The following RIN2 variants were observed in gnomAD, a reference collection of about 807,000 sequenced individuals.
The protein encoded by RIN2 is Ras and Rab interactor 2.
RIN2 carries 36 observed loss-of-function variants against 78.0 expected under a neutral mutation model. That is an observed-to-expected ratio of 0.46 (90% confidence interval 0.35 to 0.61). The LOEUF (loss-of-function observed/expected upper bound fraction) is 0.61. Ranked by LOEUF, RIN2 falls within the 20% of genes least tolerant of loss-of-function variation. The pLI is 0.00. For missense variants in RIN2, 1,087 were observed against 1,159.7 expected (o/e 0.94, Z 0.91); for synonymous variants, 466 against 466.8 (o/e 1.00, Z 0.02).
At chr20:19,871,333 C>T (rs1313529949) in intron 2 of RIN2, among the ~76,000 whole-genome samples, 1 of 152,068 alleles carries the variant, frequency 6.6e-6, no homozygotes, top group Non-Finnish European at 1.5e-5. Context: ...TTTGGGAGGC[C>T]AAGACGGGGC....
chr20:19,805,943 C>A (rs929482620), intron 2 of RIN2, among the ~76,000 whole-genome samples: 21 of 152,062 alleles, frequency 1.4e-4, no homozygotes, highest in African/African-American at 4.8e-4. Context: ...TGTTCAGCTC[C>A]CACTTATGAG....
intron 4 of RIN2, among the ~76,000 whole-genome samples, chr20:19,954,194 A>C (rs1217786406): frequency 1.3e-5 from 2 of 152,246 alleles, no homozygotes; most frequent in African/African-American, 2.4e-5. Flanking sequence ...AGAGTTGTCC[A>C]TGTGGAAATA....
At chr20:19,999,962 T>C (rs1400486681) in intron 12 of RIN2, among the ~76,000 whole-genome samples, 4 of 152,196 alleles carry the variant, frequency 2.6e-5, no homozygotes, top group African/African-American at 9.6e-5. Flanking sequence ...TAGTCAAAAG[T>C]CAGCGCATTT....
At chr20:19,904,508 G>C (rs1381983053) in intron 3 of RIN2, among the ~76,000 whole-genome samples, 1 of 152,016 alleles carries the variant, frequency 6.6e-6, no homozygotes, top group Non-Finnish European at 1.5e-5. Context: ...CTGAAAAGGT[G>C]ACTTTAAGCT....
At chr20:19,800,980 C>G (rs905863335) in intron 2 of RIN2, among the ~76,000 whole-genome samples, 1 of 152,230 alleles carries the variant, frequency 6.6e-6, no homozygotes, top group Non-Finnish European at 1.5e-5. Context: ...ACTACACATT[C>G]TTTCTGGGCT....
intron 9 of RIN2, among the ~76,000 whole-genome samples, chr20:19,977,807 A>C (rs931472999): frequency 1.3e-5 from 2 of 152,092 alleles, no homozygotes; most frequent in African/African-American, 4.8e-5. Flanking sequence ...TGAGTTATGG[A>C]TATGGCCTCC....
rs927457959 is a variant in RIN2 at position 19,881,700 on chromosome 20, C to T, written c.-36-7866C>T. On this transcript the variant is annotated intron_variant, in intron 2 of 12. Transcript: ENST00000255006. ...CAAGAGATCCTCCCTCTTTAGCCTC[C>T]TGAGTAGCAGCTGGAATTACAGGCA... Among the ~76,000 whole-genome samples, 7 of 152,148 alleles carry T rather than the reference C, an allele frequency of 4.6e-5. No individual in the cohort carries two copies. The South Asian group carries it at 1.2e-3, about 27-fold the overall frequency.
chr20:19,996,839 C>T lies in RIN2; in HGVS notation c.2361C>T (p.Phe787=), dbSNP rs2042983150. 1 of 1,585,772 alleles carries T rather than the reference C, an allele frequency of 6.3e-7. No homozygotes were observed. Among genetic ancestry groups the T allele is most frequent in the Non-Finnish European group, 8.6e-7 (1 of 1,164,844 alleles). Residue 787 remains phenylalanine (F), a synonymous_variant, in exon 12 of 13, where the codon TTC becomes TTT. Coordinates refer to ENST00000255006, the MANE Select transcript of RIN2 (RefSeq NM_018993.4). ...TNRTIPSVDD[F]QNYLRVAFQE... is the part of the protein sequence containing the mutation. The stretch of plus-strand genomic sequence containing the variant: ...GGACCATCCCCTCTGTGGACGACTT[C>T]CAGGTGTGCAGCTGGCCACCCCTTT...
At chr20:19,939,747 C>T (rs1051209787) in intron 4 of RIN2, among the ~76,000 whole-genome samples, 3 of 152,144 alleles carry the variant, frequency 2.0e-5, no homozygotes, top group Admixed American at 1.3e-4. Flanking sequence ...GAAGCCTTCA[C>T]CCTTGAGCCC....
intron 4 of RIN2, among the ~76,000 whole-genome samples, chr20:19,943,952 A>G (rs758051056): frequency 4.3e-5 from 6 of 139,432 alleles, no homozygotes; most frequent in Non-Finnish European, 7.7e-5. Context: ...TTACAGAGAC[A>G]TGTTTAATTC....
chr20:19,869,485 GGGAAA>G (rs1467969745), intron 2 of RIN2, among the ~76,000 whole-genome samples: 65 of 152,260 alleles, frequency 4.3e-4, no homozygotes, highest in African/African-American at 1.5e-3. Flanking sequence ...GAAAAAGCTG[GGGAAA>G]TGGGGCCTGG....
At position 19,764,916 on chromosome 20, in the gene RIN2, GCGT is replaced by G. The variant is rs1430030347; in HGVS notation, c.-163+6590_-163+6592del. Among the ~76,000 whole-genome samples the G allele has an allele frequency of 6.2e-4, 22 of 35,362 alleles. 1 individual carries two copies. The highest frequency in any genetic ancestry group is 4.9e-3 in the East Asian group (3 of 610). 23.2% of individuals were successfully genotyped at this position (35,362 alleles called of 152,430 possible). Reference sequence around the variant, plus strand: ...AAGGGCAAGTCCCACTTCACTTTCTGCGTTTTTTTTTTTTTTTTTTTTTTTTTG... The same window carrying G: ...AAGGGCAAGTCCCACTTCACTTTCTGTTTTTTTTTTTTTTTTTTTTTTTTG... On this transcript the variant is annotated intron_variant, in intron 1 of 12. Transcript: ENST00000255006.
chr20:20,000,974 G>A lies in RIN2; in HGVS notation c.*38G>A, dbSNP rs566332166. ...ACTTCCCAGTGGTGCATCCAAAGGG[G>A]AGCTGGAAGCCTTGCCTTCCCGCTT... is the stretch of plus-strand genomic sequence containing the variant. On this transcript the variant is annotated 3_prime_UTR_variant, in exon 13 of 13. Coordinates refer to ENST00000255006, the MANE Select transcript of RIN2 (RefSeq NM_018993.4). 5.2e-6 allele frequency: 8 copies of A among 1,542,664 alleles called. 1 individual carries two copies. In the South Asian group the frequency reaches 8.3e-5, roughly 16 times the overall value.
intron 2 of RIN2, among the ~76,000 whole-genome samples, chr20:19,874,044 T>C (rs1057511183): frequency 1.4e-5 from 2 of 144,094 alleles, no homozygotes; most frequent in African/African-American, 2.6e-5. Context: ...TATTTAGTGC[T>C]GCCTTTTTCA....
intron 6 of RIN2, among the ~76,000 whole-genome samples, chr20:19,963,929 T>C (rs2041852150): frequency 6.7e-6 from 1 of 149,146 alleles, no homozygotes; most frequent in Admixed American, 6.7e-5. Context: ...AGTGGCTCTA[T>C]CTTGGCTCAC....
chr20:19,894,401 T>G (rs1298711569), intron 3 of RIN2, among the ~76,000 whole-genome samples: 1 of 152,154 alleles, frequency 6.6e-6, no homozygotes, highest in Non-Finnish European at 1.5e-5. Context: ...AAAAAATTTT[T>G]TTAAATTTTT....
intron 2 of RIN2, among the ~76,000 whole-genome samples, chr20:19,819,012 T>C (rs2122879853): frequency 6.6e-6 from 1 of 152,356 alleles, no homozygotes; most frequent in East Asian, 1.9e-4. Flanking sequence ...TATGATCCCT[T>C]CATGTAAAAA....
At chr20:19,953,750 G>A (rs376295631) in intron 4 of RIN2, among the ~76,000 whole-genome samples, 2 of 152,294 alleles carry the variant, frequency 1.3e-5, no homozygotes, top group African/African-American at 4.8e-5. Flanking sequence ...ATTTTTATCA[G>A]CAGCCAGGGT....
intron 11 of RIN2, among the ~76,000 whole-genome samples, chr20:19,992,515 C>T (rs1436008401): frequency 6.6e-6 from 1 of 152,130 alleles, no homozygotes; most frequent in African/African-American, 2.4e-5. Context: ...GAAGCAGTTA[C>T]TTGGGTGCTT....
Sources: gnomAD v4.1 joint callset for allele counts (sites outside exome capture counted in the v4.1 genomes callset) on GRCh38, gnomAD v4.1.1 for gene constraint, MANE v1.5 for transcripts, NCBI Gene and HGNC (gene_info 2026-07-23, HGNC 2026-07-21) for gene names.